Variants in EFL1 observed in about 807,000 individuals in gnomAD.
The protein encoded by EFL1 is elongation factor like GTPase 1, also known as elongation factor-like GTPase 1.
A neutral mutation model predicts 126.7 loss-of-function variants in EFL1; 76 were observed. That is an observed-to-expected ratio of 0.60 (90% CI 0.50 to 0.73). The LOEUF (loss-of-function observed/expected upper bound fraction) is 0.73. Ranked by LOEUF, EFL1 falls within the 30% of genes least tolerant of loss-of-function variation. The pLI is 0.00. For synonymous variants in EFL1, 410 were observed against 448.4 expected, an observed-to-expected ratio of 0.91 and a Z score of 1.08; for missense variants, 1,128 against 1,343.2, an observed-to-expected ratio of 0.84 and a Z score of 2.50.
intron 5 of EFL1, among the ~76,000 whole-genome samples, chr15:82,240,772 C>G (rs1383239133): frequency 6.6e-6 from 1 of 152,160 alleles, no homozygotes; most frequent in South Asian, 2.1e-4. Context: ...TAAATAAGGC[C>G]GGGCATGGTG....
At chr15:82,147,311 A>G (rs1196757495) in intron 18 of EFL1, among the ~76,000 whole-genome samples, 4 of 152,074 alleles carry the variant, frequency 2.6e-5, no homozygotes, top group Admixed American at 2.0e-4. Flanking sequence ...ATAGGCACAG[A>G]CCTATGCGGG....
At chr15:82,179,142 T>C (rs1272729489) in intron 15 of EFL1, among the ~76,000 whole-genome samples, 1 of 152,040 alleles carries the variant, frequency 6.6e-6, no homozygotes, top group African/African-American at 2.4e-5. Flanking sequence ...AGACCCTCTC[T>C]CTAACAAATT....
chr15:82,235,661 A>G (rs1488680927), intron 7 of EFL1, among the ~76,000 whole-genome samples: 9 of 152,172 alleles, frequency 5.9e-5, no homozygotes, highest in Admixed American at 5.9e-4. Flanking sequence ...CATAATAATG[A>G]CATTCAGAAA....
intron 3 of EFL1, among the ~76,000 whole-genome samples, chr15:82,253,533 G>A (rs531391608): frequency 7.0e-4 from 107 of 152,090 alleles, no homozygotes; most frequent in Non-Finnish European, 1.3e-3. Flanking sequence ...AACAACTTAC[G>A]GACAGTAGCA....
rs1407974291 is a variant in EFL1, at chr15:82,230,954, C to G, written c.749G>C (p.Arg250Thr). 4.3e-6 allele frequency: 7 copies of G among 1,612,366 alleles called. No homozygotes were observed. The South Asian group carries it at 5.5e-5, about 13-fold the overall frequency. The change falls in exon 8 of 20, where the codon AGA (arginine) becomes ACA (threonine). Residue 250 changes from arginine (R) to threonine (T), a missense_variant. By Grantham distance (71) the Arg-to-Thr change is moderately conservative (BLOSUM62 -1). Transcript: ENST00000268206. The stretch of plus-strand genomic sequence containing the variant: ...GATGCCAATTTTTTGACTGTAGATT[C>G]TGGCGAAGTGCTCAATTCTGAAAGA... ...GWGFGIEHFA[R>T]IYSQKIGIKK...
intron 13 of EFL1, 22 bp downstream of exon 13, chr15:82,220,056 A>T: frequency 6.3e-7 from 1 of 1,579,066 alleles, no homozygotes; most frequent in South Asian, 1.2e-5. Context: ...TTTGCAACAG[A>T]GCCTACTTAG....
At chr15:82,180,184 C>G (rs1400369353) in intron 15 of EFL1, among the ~76,000 whole-genome samples, 1 of 152,048 alleles carries the variant, frequency 6.6e-6, no homozygotes, top group Admixed American at 6.6e-5. Context: ...TAACTCTTCC[C>G]CGTCCCCACT....
At chr15:82,180,321 T>C (rs1448358912) in intron 15 of EFL1, among the ~76,000 whole-genome samples, 1 of 141,644 alleles carries the variant, frequency 7.1e-6, no homozygotes, top group East Asian at 2.1e-4. Flanking sequence ...TTGTGTTACA[T>C]ATTGGTTAAA....
chr15:82,227,654 G>A (rs2074778828), intron 10 of EFL1, 82 bp from the exon 11 acceptor site: 1 of 1,583,628 alleles, frequency 6.3e-7, no homozygotes. Context: ...ACTAAATATT[G>A]AGGTAACAAA....
chr15:82,210,535 A>G (rs1011645119), intron 15 of EFL1, among the ~76,000 whole-genome samples: 1 of 152,052 alleles, frequency 6.6e-6, no homozygotes, highest in Non-Finnish European at 1.5e-5. Context: ...CCTCCATATG[A>G]CTTTAGCCCC....
intron 15 of EFL1, among the ~76,000 whole-genome samples, chr15:82,208,244 C>T (rs1332819014): frequency 6.6e-6 from 1 of 152,052 alleles, no homozygotes; most frequent in East Asian, 1.9e-4. Flanking sequence ...GCACCAAGCC[C>T]AGTTAGTTTT....
Position 82,244,432 on chromosome 15 carries a change from C to T in EFL1, c.245-3029G>A, listed in dbSNP as rs540936838. Among the ~76,000 whole-genome samples the T allele has an allele frequency of 4.6e-5, 7 of 152,174 alleles. 1 individual carries two copies. The South Asian group carries it at 1.5e-3, about 32-fold the overall frequency. ...CAAGAGACAAAATTTTTTAAGCATG[C>T]TAAATGATCTTTCCGATTTGTAACA... On this transcript the variant is annotated intron_variant, in intron 4 of 19. Coordinates refer to ENST00000268206, the MANE Select transcript of EFL1 (RefSeq NM_024580.6).
chr15:82,156,618 GTGT>G (rs57591590), intron 17 of EFL1, among the ~76,000 whole-genome samples: 22,609 of 152,018 alleles, frequency 0.15, 3,001 homozygotes, highest in African/African-American at 0.36. Flanking sequence ...TTAGTACCAG[GTGT>G]TGTTGTATAG....
chr15:82,224,440 C>T (rs2074741306), intron 12 of EFL1, among the ~76,000 whole-genome samples: 1 of 152,192 alleles, frequency 6.6e-6, no homozygotes, highest in African/African-American at 2.4e-5. Context: ...TCATCGCCAA[C>T]ACTTTACACT....
chr15:82,223,416 A>C (rs2074731578), intron 12 of EFL1, among the ~76,000 whole-genome samples: 1 of 152,326 alleles, frequency 6.6e-6, no homozygotes, highest in African/African-American at 2.4e-5. Flanking sequence ...CAGTAAAAAA[A>C]CTTCATGGAA....
chr15:82,249,863 T>A (rs1210899969), intron 4 of EFL1, among the ~76,000 whole-genome samples: 1 of 152,122 alleles, frequency 6.6e-6, no homozygotes, highest in African/African-American at 2.4e-5. Context: ...ACTTCTATAA[T>A]GTGCAGGATT....
rs754437791 is a variant in EFL1 at position 82,220,211 on chromosome 15, T to C, written c.1311A>G (p.Glu437=). 1.9e-6 allele frequency: 3 copies of C among 1,603,502 alleles called. No individual in the cohort carries two copies. Among genetic ancestry groups the C allele is most frequent in the Admixed American group, 1.8e-5 (1 of 56,836 alleles). The part of the protein sequence containing the change: ...QNKPRPLTQE[E]IAQRRERARQ... The stretch of plus-strand genomic sequence containing the variant: ...TTGCACGCTCACGTCTCTGAGCAAT[T>C]TCTTCTTGAGTGAGAGGCCTACAGG... Residue 437 remains glutamate, a synonymous_variant, in exon 13 of 20, where the codon GAA becomes GAG. Transcript: ENST00000268206.
At chr15:82,209,336 C>CAG (rs1381632100) in intron 15 of EFL1, among the ~76,000 whole-genome samples, 1 of 151,642 alleles carries the variant, frequency 6.6e-6, no homozygotes, top group Non-Finnish European at 1.5e-5. Context: ...CACACACACA[C>CAG]ACACACACAC....
At chr15:82,133,830 G>A (rs2073688371) in intron 19 of EFL1, among the ~76,000 whole-genome samples, 1 of 152,170 alleles carries the variant, frequency 6.6e-6, no homozygotes, top group South Asian at 2.1e-4. Flanking sequence ...CATATGCGAG[G>A]AAACAGGCAG....
Sources: gnomAD v4.1 joint callset for allele counts (sites outside exome capture counted in the v4.1 genomes callset) on GRCh38, gnomAD v4.1.1 for gene constraint, MANE v1.5 for transcripts, NCBI Gene and HGNC (gene_info 2026-07-23, HGNC 2026-07-21) for gene names.